Variants in OBI1 observed in about 807,000 individuals in gnomAD.
OBI1 encodes ring finger protein 219.
OBI1 carries 59 observed loss-of-function variants against 62.4 expected under a neutral mutation model. That is an observed-to-expected ratio of 0.95 (90% CI 0.77 to 1.17). OBI1 has a LOEUF of 1.17. OBI1 is among the 50% of genes most tolerant of loss of function. OBI1 has a pLI of 0.00. For missense variants in OBI1, 875 were observed against 830.9 expected (o/e 1.05, Z -0.65); for synonymous variants, 302 against 292.8 (o/e 1.03, Z -0.32).
chr13:78,656,734 G>C lies in OBI1; in HGVS notation c.72+2315C>G, dbSNP rs1221053358. ...CTTTCTGCTTCCATGGTACCTGGGG[G>C]GGGGGGGGGAGGAGCCTGTTTAAAA... On this transcript the variant is annotated intron_variant, in intron 1 of 5. Coordinates refer to ENST00000282003, the MANE Select transcript of OBI1 (RefSeq NM_024546.4). Among the ~76,000 whole-genome samples the C allele has an allele frequency of 2.3e-5, 3 of 128,258 alleles. 1 individual carries two copies. Among genetic ancestry groups the C allele is most frequent in the East Asian group, 2.2e-4 (1 of 4,640 alleles). 84.1% of individuals were successfully genotyped at this position (128,258 alleles called of 152,430 possible).
intron 4 of OBI1, among the ~76,000 whole-genome samples, chr13:78,636,592 T>C (rs1361899407): frequency 6.6e-6 from 1 of 152,168 alleles, no homozygotes; most frequent in East Asian, 1.9e-4. Context: ...AAAGTCTAAC[T>C]CCCTGACTTA....
At position 78,616,425 on chromosome 13, in the gene OBI1, C is replaced by T; in HGVS notation, c.1336G>A (p.Asp446Asn). 1 of 1,613,030 alleles carries T rather than the reference C, an allele frequency of 6.2e-7. No homozygotes were observed. The highest frequency in any genetic ancestry group is 8.5e-7 in the Non-Finnish European group (1 of 1,179,724). The stretch of plus-strand genomic sequence containing the variant: ...TTTTCATTTTCACTTCTACTTATAT[C>T]ATCTTCTGAAGAATCTTTATTAGAA... ...NVSNKDSSED[D>N]ISRSENEKKS... is the part of the protein sequence containing the mutation. The change falls in exon 6 of 6, where the codon GAT (aspartate) becomes AAT (asparagine). Residue 446 changes from aspartate (D) to asparagine (N), a missense_variant. Coordinates refer to ENST00000282003, the MANE Select transcript of OBI1 (RefSeq NM_024546.4).
intron 1 of OBI1, among the ~76,000 whole-genome samples, chr13:78,653,179 C>G (rs1397390926): frequency 6.6e-6 from 1 of 152,178 alleles, no homozygotes; most frequent in Non-Finnish European, 1.5e-5. Context: ...CAGCGTTTCT[C>G]AACTTTGACA....
At chr13:78,619,446 G>A (rs1459519279) in intron 5 of OBI1, among the ~76,000 whole-genome samples, 1 of 151,818 alleles carries the variant, frequency 6.6e-6, no homozygotes, top group Non-Finnish European at 1.5e-5. Flanking sequence ...ACAAAGGCCA[G>A]TAGCAGATCA....
At chr13:78,619,552 C>T (rs765360200) in intron 5 of OBI1, among the ~76,000 whole-genome samples, 1 of 151,994 alleles carries the variant, frequency 6.6e-6, no homozygotes, top group African/African-American at 2.4e-5. Flanking sequence ...CCTTTCAATA[C>T]TCTATAAATC....
chr13:78,623,267 A>AT (rs1327546537), intron 5 of OBI1, among the ~76,000 whole-genome samples: 213 of 120,680 alleles, frequency 1.8e-3, no homozygotes, highest in African/African-American at 8.4e-3. Flanking sequence ...GAAAGAGAAC[A>AT]TTTAAAAAAA....
chr13:78,650,706 T>C (rs922362502), intron 1 of OBI1, among the ~76,000 whole-genome samples: 3 of 149,276 alleles, frequency 2.0e-5, no homozygotes, highest in African/African-American at 5.0e-5. Flanking sequence ...GATAATATAA[T>C]GGATGTCAGC....
chr13:78,645,168 ATG>A lies in OBI1; in HGVS notation c.73-173_73-172del, dbSNP rs1329506152. Among the ~76,000 whole-genome samples the A allele has an allele frequency of 7.7e-5, 8 of 103,904 alleles. No homozygotes were observed. In the South Asian group the frequency reaches 8.2e-4, roughly 11 times the overall value. The allele number at this position is 103,904 out of a possible 152,430, so 68.2% of individuals were successfully genotyped here. On this transcript the variant is annotated intron_variant, in intron 1 of 5. Coordinates refer to ENST00000282003, the MANE Select transcript of OBI1 (RefSeq NM_024546.4). ...CTGTTGGTCACTTTTCTTTTTACAC[ATG>A]TTTAACAGAGATACTAGATGAGATA...
chr13:78,627,568 C>T (rs1239865081), intron 5 of OBI1, among the ~76,000 whole-genome samples: 1 of 152,166 alleles, frequency 6.6e-6, no homozygotes, highest in Non-Finnish European at 1.5e-5. Context: ...AGGATAATGG[C>T]TTCCAATTTC....
intron 3 of OBI1, among the ~76,000 whole-genome samples, chr13:78,640,191 TAA>T (rs749852212): frequency 3.5e-5 from 5 of 143,282 alleles, no homozygotes; most frequent in Admixed American, 7.0e-5. Flanking sequence ...GGGGCCGGGT[TAA>T]AAAAAAAAAA....
At chr13:78,652,021 G>A (rs1037008397) in intron 1 of OBI1, among the ~76,000 whole-genome samples, 1 of 152,132 alleles carries the variant, frequency 6.6e-6, no homozygotes. Flanking sequence ...CACCACCACA[G>A]GCCGACTGCT....
chr13:78,615,870 T>A lies in OBI1; in HGVS notation c.1891A>T (p.Ser631Cys). Reference sequence around the variant, plus strand: ...ATTTCATTAGTTACTGGACAAGAACTGGAATGGAGTGAAAAATCTTCATTC... The same window carrying A: ...ATTTCATTAGTTACTGGACAAGAACAGGAATGGAGTGAAAAATCTTCATTC... ...EMNEDFSLHS[S>C]SCPVTNEIKP... The change falls in exon 6 of 6, where the codon AGT (serine) becomes TGT (cysteine). Residue 631 changes from serine to cysteine, a missense_variant. Transcript: ENST00000282003. The A allele has an allele frequency of 6.2e-7, 1 of 1,614,148 alleles. No homozygotes were observed. The highest frequency in any genetic ancestry group is 8.5e-7 in the Non-Finnish European group (1 of 1,180,012).
chr13:78,622,609 A>G (rs1875547725), intron 5 of OBI1, among the ~76,000 whole-genome samples: 1 of 152,172 alleles, frequency 6.6e-6, no homozygotes, highest in African/African-American at 2.4e-5. Context: ...ACAGGGAGCT[A>G]AGGTTTCAGA....
At chr13:78,656,445 G>C (rs931423362) in intron 1 of OBI1, among the ~76,000 whole-genome samples, 8 of 152,200 alleles carry the variant, frequency 5.3e-5, no homozygotes, top group African/African-American at 1.7e-4. Flanking sequence ...TGCCGGGCGT[G>C]GTGGCGCATG....
At chr13:78,645,568 G>A (rs1215665618) in intron 1 of OBI1, among the ~76,000 whole-genome samples, 1 of 152,206 alleles carries the variant, frequency 6.6e-6, no homozygotes, top group Non-Finnish European at 1.5e-5. Context: ...AAACAATGCA[G>A]ACAGAATTAC....
Position 78,615,465 on chromosome 13 carries a change from T to C in OBI1, c.*115A>G, listed in dbSNP as rs1875232131. 3 of 717,362 alleles carry C rather than the reference T, an allele frequency of 4.2e-6. No individual in the cohort carries two copies. The highest frequency in any genetic ancestry group is 6.9e-6 in the Non-Finnish European group (3 of 433,068). 44.4% of individuals were successfully genotyped at this position (717,362 alleles called of 1,614,324 possible). A position where few individuals can be genotyped will look rare whatever the true frequency, so the allele number is the denominator to read the frequency against. ...TAATCCACCATCCTGACTTGATACT[T>C]GACTAAAGATTATCAATTCCAATTT... On this transcript the variant is annotated 3_prime_UTR_variant, in exon 6 of 6. Coordinates refer to ENST00000282003, the MANE Select transcript of OBI1 (RefSeq NM_024546.4).
rs1875232551 is a variant in OBI1, at chr13:78,615,470, A to G, written c.*110T>C. Reference sequence around the variant, plus strand: ...CACCATCCTGACTTGATACTTGACTAAAGATTATCAATTCCAATTTGTATA... The same window carrying G: ...CACCATCCTGACTTGATACTTGACTGAAGATTATCAATTCCAATTTGTATA... On this transcript the variant is annotated 3_prime_UTR_variant, in exon 6 of 6. Transcript: ENST00000282003. The G allele has an allele frequency of 1.3e-6, 1 of 750,314 alleles. No individual in the cohort carries two copies. Among genetic ancestry groups the G allele is most frequent in the African/African-American group, 1.8e-5 (1 of 57,138 alleles). 46.5% of individuals were successfully genotyped at this position (750,314 alleles called of 1,614,324 possible).
intron 4 of OBI1, among the ~76,000 whole-genome samples, chr13:78,635,736 G>GGATC (rs1208530828): frequency 3.3e-5 from 5 of 151,938 alleles, no homozygotes; most frequent in African/African-American, 1.2e-4. Context: ...CCTCAAAATT[G>GGATC]GATCTATCTA....
At chr13:78,625,994 T>A (rs1361701940) in intron 5 of OBI1, among the ~76,000 whole-genome samples, 1 of 152,138 alleles carries the variant, frequency 6.6e-6, no homozygotes, top group Non-Finnish European at 1.5e-5. Context: ...TGAGACATAG[T>A]TTAGAAAGAG....
Sources: gnomAD v4.1 joint callset for allele counts (sites outside exome capture counted in the v4.1 genomes callset) on GRCh38, gnomAD v4.1.1 for gene constraint, MANE v1.5 for transcripts, NCBI Gene and HGNC (gene_info 2026-07-23, HGNC 2026-07-21) for gene names.